MSI2: variants seen among roughly 807,000 people sequenced by gnomAD.
The protein encoded by MSI2 is RNA-binding protein Musashi homolog 2.
In MSI2, 17 loss-of-function variants were observed where a neutral mutation model predicts 45.6. The observed-to-expected ratio is 0.37, with a 90% CI of 0.26 to 0.56. The LOEUF is 0.56. MSI2 is among the 20% of genes least tolerant of loss of function. The probability of loss-of-function intolerance (pLI) is 0.77; values close to 1 mark genes in which losing one functional copy is unlikely to be tolerated. For missense variants in MSI2, 293 were observed against 444.2 expected, an observed-to-expected ratio of 0.66 and a Z score of 3.06; for synonymous variants, 156 against 158.2, an observed-to-expected ratio of 0.99 and a Z score of 0.11.
At chr17:57,660,066 T>C (rs1911880514) in intron 11 of MSI2, among the ~76,000 whole-genome samples, 1 of 152,248 alleles carries the variant, frequency 6.6e-6, no homozygotes, top group Non-Finnish European at 1.5e-5. Context: ...GGGGGATTTA[T>C]TGGCTGACAT....
intron 5 of MSI2, among the ~76,000 whole-genome samples, chr17:57,306,719 TTATC>T (rs71365817): frequency 0.095 from 14,539 of 152,264 alleles, 905 homozygotes; most frequent in Non-Finnish European, 0.14. Context: ...TTTTATCTAT[TTATC>T]TATCTATTTG....
the MSI2 span, among the ~76,000 whole-genome samples, chr17:57,693,244 G>A: frequency 7.9e-5 from 9 of 113,252 alleles, no homozygotes; most frequent in South Asian, 3.2e-4. Flanking sequence ...GTGCAGTGGC[G>A]CGATCTTGGC....
intron 6 of MSI2, among the ~76,000 whole-genome samples, chr17:57,506,804 C>T (rs534655812): frequency 1.3e-3 from 204 of 152,302 alleles, no homozygotes; most frequent in Admixed American, 2.2e-3. Flanking sequence ...ACTGTGGGGA[C>T]AGCCAGGGTT....
At chr17:57,272,277 G>A (rs1567728433) in intron 5 of MSI2, among the ~76,000 whole-genome samples, 1 of 152,204 alleles carries the variant, frequency 6.6e-6, no homozygotes, top group Non-Finnish European at 1.5e-5. Flanking sequence ...CCCACCTGCT[G>A]AAAAGTAAAG....
intron 7 of MSI2, among the ~76,000 whole-genome samples, chr17:57,568,070 C>G (rs1031344001): frequency 1.3e-5 from 2 of 152,138 alleles, no homozygotes; most frequent in Non-Finnish European, 2.9e-5. Flanking sequence ...GTTCTTTCAG[C>G]ATTTCTGCAA....
chr17:57,588,977 G>T (rs533514376), intron 7 of MSI2, among the ~76,000 whole-genome samples: 73 of 152,242 alleles, frequency 4.8e-4, no homozygotes, highest in Non-Finnish European at 8.4e-4. Context: ...TTGAGTTACA[G>T]AGTGGCTGCT....
chr17:57,664,289 C>T (rs568416007), intron 11 of MSI2, among the ~76,000 whole-genome samples: 21 of 152,254 alleles, frequency 1.4e-4, no homozygotes, highest in African/African-American at 4.3e-4. Context: ...GAGGCCGAGG[C>T]GGCTGATCAC....
chr17:57,548,898 T>TCCCCCCCCCCCCCCCCCCCCCCCCCCCCC (rs758120237), intron 7 of MSI2, among the ~76,000 whole-genome samples: 1 of 121,298 alleles, frequency 8.2e-6, no homozygotes, highest in African/African-American at 3.4e-5. Flanking sequence ...TGTTTACCCT[T>TCCCCCCCCCCCCCCCCCCCCCCCCCCCCC]CCCCCCCCCA....
At chr17:57,633,499 T>C (rs1399036141) in intron 10 of MSI2, among the ~76,000 whole-genome samples, 1 of 152,242 alleles carries the variant, frequency 6.6e-6, no homozygotes, top group East Asian at 1.9e-4. Flanking sequence ...CCCTCACATC[T>C]GTGCACTAGG....
At chr17:57,501,565 G>T (rs2086107493) in intron 6 of MSI2, among the ~76,000 whole-genome samples, 1 of 152,160 alleles carries the variant, frequency 6.6e-6, no homozygotes, top group South Asian at 2.1e-4. Context: ...ACAGAATATT[G>T]TTAGATTTGA....
At chr17:57,409,799 G>C (rs1207851569) in intron 6 of MSI2, among the ~76,000 whole-genome samples, 6 of 152,018 alleles carry the variant, frequency 3.9e-5, no homozygotes, top group African/African-American at 9.7e-5. Flanking sequence ...ATGAGGTCAG[G>C]AGTTCGAGAC....
In MSI2 at chr17:57,598,910, G is replaced by A. The variant is rs565048893; in HGVS notation, c.537+1960G>A. On this transcript the variant is annotated intron_variant, in intron 8 of 13. Transcript: ENST00000284073. ...ACTCCTGACGTCAAGTGATCCACCT[G>A]CCTCGGCCTCCCAAAGTGCTGGGAT... is the stretch of plus-strand genomic sequence containing the variant. 6.6e-5 allele frequency among the ~76,000 whole-genome samples: 10 copies of A among 152,288 alleles called. No homozygotes were observed. In the South Asian group the frequency reaches 1.7e-3, roughly 25 times the overall value.
At chr17:57,268,998 G>A (rs1250603901) in intron 5 of MSI2, among the ~76,000 whole-genome samples, 1 of 152,160 alleles carries the variant, frequency 6.6e-6, no homozygotes, top group Non-Finnish European at 1.5e-5. Context: ...TGGGAGGAGG[G>A]GGTGACCTGT....
At chr17:57,279,889 C>T (rs1437722304) in intron 5 of MSI2, 1 of 152,220 alleles carries the variant, frequency 6.6e-6, no homozygotes, top group Non-Finnish European at 1.5e-5. Flanking sequence ...TCAAGTGATC[C>T]TCTTGCCTTG....
intron 5 of MSI2, among the ~76,000 whole-genome samples, chr17:57,304,540 T>A (rs1911719410): frequency 6.7e-6 from 1 of 149,804 alleles, no homozygotes; most frequent in African/African-American, 2.4e-5. Context: ...CTCCTGCCTC[T>A]GCCTCCCGAG....
intron 6 of MSI2, among the ~76,000 whole-genome samples, chr17:57,440,149 C>T (rs989362139): frequency 6.6e-6 from 1 of 152,082 alleles, no homozygotes; most frequent in African/African-American, 2.4e-5. Context: ...GGTGGGGAGG[C>T]AGGGCTTGTT....
chr17:57,563,744 G>GTGCACA (rs2087651108), intron 7 of MSI2, among the ~76,000 whole-genome samples: 2 of 115,696 alleles, frequency 1.7e-5, no homozygotes, highest in African/African-American at 8.1e-5. Flanking sequence ...ACACACAGGC[G>GTGCACA]CGCACACACA....
chr17:57,669,550 A>G (rs1284254320), intron 11 of MSI2, among the ~76,000 whole-genome samples: 1 of 152,250 alleles, frequency 6.6e-6, no homozygotes, highest in African/African-American at 2.4e-5. Flanking sequence ...TATAAGCATG[A>G]TATAGACAAG....
intron 7 of MSI2, among the ~76,000 whole-genome samples, chr17:57,565,532 G>C (rs7217790): frequency 6.6e-6 from 1 of 152,206 alleles, no homozygotes; most frequent in Non-Finnish European, 1.5e-5. Flanking sequence ...CATTCTTGCA[G>C]ACAGTCATCC....
Sources: allele counts gnomAD v4.1 joint callset (sites outside exome capture counted in the v4.1 genomes callset), GRCh38; gene constraint gnomAD v4.1.1; transcripts MANE v1.5; gene names NCBI Gene and HGNC (gene_info 2026-07-23, HGNC 2026-07-21).